Variants in CANX observed in about 807,000 individuals in gnomAD.
CANX encodes the protein epididymis secretory sperm binding protein.
Under a neutral mutation model 75.7 loss-of-function variants are expected in CANX, and 14 were observed. That is an observed-to-expected ratio of 0.19 (90% CI 0.12 to 0.29). The LOEUF (loss-of-function observed/expected upper bound fraction) is 0.29, where lower values mean the gene tolerates loss of function less well. Ranked by LOEUF, CANX falls within the 10% of genes least tolerant of loss-of-function variation. The pLI is 1.00. For missense variants in CANX, 567 were observed against 713.2 expected (o/e 0.79, Z 2.34); for synonymous variants, 227 against 236.9 (o/e 0.96, Z 0.38).
intron 10 of CANX, 49 bp downstream of exon 10, chr5:179,720,609 C>G: frequency 6.4e-7 from 1 of 1,563,110 alleles, no homozygotes; most frequent in Non-Finnish European, 8.8e-7. Flanking sequence ...TGTTTGTATT[C>G]AGATAGAAGT....
upstream of CANX, chr5:179,694,710 TG>T: frequency 1.5e-6 from 1 of 686,120 alleles, no homozygotes. Flanking sequence ...TAAAGTTGCC[TG>T]GAAAAAGGTG....
rs1355106462 is a variant in CANX at position 179,728,742 on chromosome 5, A to G, written c.*98A>G. ...GGCACACCTTAGGTTGACATTCAGA[A>G]AACTTCAAGACATCACCATCAGCAG... On this transcript the variant is annotated 3_prime_UTR_variant, in exon 15 of 15. Coordinates refer to ENST00000247461, the MANE Select transcript of CANX (RefSeq NM_001746.4). 1.2e-6 allele frequency: 1 copy of G among 809,834 alleles called. No individual in the cohort carries two copies. Among genetic ancestry groups the G allele is most frequent in the Non-Finnish European group, 2.2e-6 (1 of 461,624 alleles). 50.2% of individuals were successfully genotyped at this position (809,834 alleles called of 1,614,324 possible).
At chr5:179,716,071 A>C in intron 7 of CANX, 34 bp from the exon 8 acceptor site, 1 of 1,433,324 alleles carries the variant, frequency 7.0e-7, no homozygotes, top group Non-Finnish European at 9.8e-7. Flanking sequence ...TTGGAAAATT[A>C]AGTACTTTTA....
At chr5:179,727,085 G>T (rs1279391646) in intron 14 of CANX, among the ~76,000 whole-genome samples, 8 of 152,200 alleles carry the variant, frequency 5.3e-5, no homozygotes, top group Non-Finnish European at 1.2e-4. Context: ...GCCCTGAAAA[G>T]TATTTCTTAT....
In CANX at chr5:179,678,671, GC is replaced by G. The variant is rs963099567; in HGVS notation, c.-108del. The G allele has an allele frequency of 3.5e-5, 53 of 1,535,466 alleles. 1 individual carries two copies. The Admixed American group carries it at 9.2e-4, about 27-fold the overall frequency. Reference sequence around the variant, plus strand: ...GCGCATCTTCCTCTGCCCGGCGCGCGCCGCAGCCGTCGGGATCACCTCGGGG... The same window carrying G: ...GCGCATCTTCCTCTGCCCGGCGCGCGCGCAGCCGTCGGGATCACCTCGGGG... On this transcript the variant is annotated 5_prime_UTR_variant, in exon 1 of 15. Transcript: ENST00000681674.
At chr5:179,709,686 G>A (rs1378543547) in intron 6 of CANX, 187 bp from the exon 7 acceptor site, 4 of 459,890 alleles carry the variant, frequency 8.7e-6, no homozygotes, top group South Asian at 7.6e-5. Flanking sequence ...ACACTTAAAC[G>A]TTATTTTAAA....
At chr5:179,685,886 T>C (rs1268960765) in intron 1 of CANX, among the ~76,000 whole-genome samples, 2 of 151,960 alleles carry the variant, frequency 1.3e-5, no homozygotes, top group Non-Finnish European at 2.9e-5. Flanking sequence ...AGACAGGGTT[T>C]CACCATGTTT....
At chr5:179,679,115 G>T in intron 1 of CANX, 1 of 1,535,664 alleles carries the variant, frequency 6.5e-7, no homozygotes, top group East Asian at 2.4e-5. Flanking sequence ...GGCATGGCTC[G>T]TAGCCGAGCA....
intron 13 of CANX, 25 bp downstream of exon 13, chr5:179,724,808 T>C: frequency 6.3e-7 from 1 of 1,589,202 alleles, no homozygotes; most frequent in Non-Finnish European, 8.6e-7. Flanking sequence ...CCAGAAAATC[T>C]GCTTTAAGCC....
chr5:179,705,880 T>C (rs1183875300), intron 2 of CANX, 28 bp downstream of exon 2: 1 of 1,586,814 alleles, frequency 6.3e-7, no homozygotes, highest in African/African-American at 1.3e-5. Flanking sequence ...AATCTATTCC[T>C]TTTACGTCTT....
chr5:179,688,874 A>G (rs1022438678), intron 1 of CANX, among the ~76,000 whole-genome samples: 3 of 151,638 alleles, frequency 2.0e-5, no homozygotes, highest in Non-Finnish European at 4.4e-5. Context: ...ACTTGAGGCC[A>G]GGAGTTTGAT....
chr5:179,704,633 C>T (rs1163608805), intron 1 of CANX, among the ~76,000 whole-genome samples: 7 of 151,588 alleles, frequency 4.6e-5, no homozygotes, highest in Non-Finnish European at 1.0e-4. Flanking sequence ...GTCAGGAGTT[C>T]GAGACCAGCC....
At chr5:179,711,931 C>G (rs1453799691) in intron 7 of CANX, among the ~76,000 whole-genome samples, 1 of 151,630 alleles carries the variant, frequency 6.6e-6, no homozygotes, top group Non-Finnish European at 1.5e-5. Context: ...AACGTCATCT[C>G]TACTGAAAAT....
At chr5:179,717,279 T>A (rs939378399) in intron 8 of CANX, among the ~76,000 whole-genome samples, 1 of 152,200 alleles carries the variant, frequency 6.6e-6, no homozygotes, top group Non-Finnish European at 1.5e-5. Flanking sequence ...ATTTGGTGTA[T>A]ATTAGATTTG....
intron 7 of CANX, 183 bp from the exon 8 acceptor site, chr5:179,715,922 T>C: frequency 1.5e-6 from 1 of 687,170 alleles, no homozygotes. Context: ...TAATCATTTA[T>C]GTTTCGTGCA....
chr5:179,710,221 G>A (rs1036348821), intron 7 of CANX, among the ~76,000 whole-genome samples, 156 bp downstream of exon 7: 2 of 151,776 alleles, frequency 1.3e-5, no homozygotes, highest in African/African-American at 4.8e-5. Flanking sequence ...TCAGGAATTC[G>A]AGAACAGTCT....
intron 1 of CANX, chr5:179,679,282 CG>C: frequency 6.6e-7 from 1 of 1,509,140 alleles, no homozygotes. Context: ...GACAAGAGTC[CG>C]GGTGAGCAGC....
At chr5:179,691,051 G>C (rs898881277) in intron 1 of CANX, among the ~76,000 whole-genome samples, 1 of 151,804 alleles carries the variant, frequency 6.6e-6, no homozygotes, top group Non-Finnish European at 1.5e-5. Flanking sequence ...TTTTGAGACT[G>C]TGCTCACTCT....
At position 179,730,075 on chromosome 5, in the gene CANX, T is replaced by C. The variant is rs1328772645; in HGVS notation, c.*1431T>C. ...GCTATCAGAGCCTCTCCCACACCACTATAGTGTAATAATGTTATTATTACT... is the reference window on the plus strand; with the variant it reads ...GCTATCAGAGCCTCTCCCACACCACCATAGTGTAATAATGTTATTATTACT... On this transcript the variant is annotated 3_prime_UTR_variant, in exon 15 of 15. Transcript: ENST00000247461. 1 of 152,616 alleles carries C rather than the reference T, an allele frequency of 6.6e-6. No individual in the cohort carries two copies. Among genetic ancestry groups the C allele is most frequent in the Non-Finnish European group, 1.5e-5 (1 of 68,032 alleles). The allele number at this position is 152,616 out of a possible 1,614,324, so 9.5% of individuals were successfully genotyped here. A position where few individuals can be genotyped will look rare whatever the true frequency, so the allele number is the denominator to read the frequency against.
Sources: gnomAD v4.1 joint callset for allele counts (sites outside exome capture counted in the v4.1 genomes callset) on GRCh38, gnomAD v4.1.1 for gene constraint, MANE v1.5 for transcripts, NCBI Gene and HGNC (gene_info 2026-07-23, HGNC 2026-07-21) for gene names.